MAGI2: variants seen among roughly 807,000 people sequenced by gnomAD.
MAGI2 encodes the protein membrane-associated guanylate kinase, WW and PDZ domain-containing protein 2.
In MAGI2, 35 loss-of-function variants were observed where a neutral mutation model predicts 133.3. That is an observed-to-expected ratio of 0.26 (90% CI 0.20 to 0.35). The LOEUF is 0.35. MAGI2 is among the 10% of genes least tolerant of loss of function. The pLI, the probability that MAGI2 is intolerant of heterozygous loss-of-function variation, is 1.00. For missense variants in MAGI2, 1,636 were observed against 1,863.4 expected (o/e 0.88, Z 2.25); for synonymous variants, 729 against 710.6 (o/e 1.03, Z -0.41).
At chr7:78,408,555 C>T (rs1797594811) in intron 6 of MAGI2, among the ~76,000 whole-genome samples, 2 of 151,920 alleles carry the variant, frequency 1.3e-5, no homozygotes, top group Admixed American at 6.6e-5. Flanking sequence ...ACTACAGTAC[C>T]TACAGGGCAC....
chr7:78,039,555 A>G (rs1584914897), intron 21 of MAGI2: 1 of 152,234 alleles, frequency 6.6e-6, no homozygotes, highest in Admixed American at 6.5e-5. Context: ...TCTTTCCAAG[A>G]TGTCCTTAGT....
chr7:79,421,546 G>A (rs1846960685), intron 1 of MAGI2, among the ~76,000 whole-genome samples: 2 of 151,858 alleles, frequency 1.3e-5, no homozygotes. Flanking sequence ...ACTGCTTAAT[G>A]TATCTGACAG....
chr7:79,075,275 C>T (rs919318580), intron 1 of MAGI2, among the ~76,000 whole-genome samples: 1 of 152,116 alleles, frequency 6.6e-6, no homozygotes, highest in African/African-American at 2.4e-5. Context: ...TCCATGAATG[C>T]CTTAGAGCAA....
chr7:79,080,732 T>C (rs1815965475), intron 1 of MAGI2, among the ~76,000 whole-genome samples: 1 of 152,082 alleles, frequency 6.6e-6, no homozygotes, highest in Admixed American at 6.6e-5. Context: ...TAGAGTCATT[T>C]CTTTCACTCT....
At chr7:78,051,051 G>A (rs922299833) in intron 21 of MAGI2, among the ~76,000 whole-genome samples, 14 of 152,302 alleles carry the variant, frequency 9.2e-5, no homozygotes, top group South Asian at 2.1e-4. Flanking sequence ...TTGATTCTGC[G>A]GATTAGTCAC....
chr7:79,246,941 T>A (rs879795932), intron 1 of MAGI2, among the ~76,000 whole-genome samples: 1 of 152,182 alleles, frequency 6.6e-6, no homozygotes, highest in African/African-American at 2.4e-5. Context: ...GGAATTCCAA[T>A]ATGTCTAGCA....
At chr7:79,132,150 T>A (rs1405974521) in intron 1 of MAGI2, among the ~76,000 whole-genome samples, 1 of 152,268 alleles carries the variant, frequency 6.6e-6, no homozygotes, top group Middle Eastern at 3.4e-3. Context: ...TTTTTAAAAA[T>A]TTTTTGTTTC....
At chr7:79,179,113 G>C (rs7788638) in intron 1 of MAGI2, among the ~76,000 whole-genome samples, 95,141 of 151,858 alleles carry the variant, frequency 0.63, 35,077 homozygotes, top group Non-Finnish European at 0.83. Flanking sequence ...TAACATTTCA[G>C]TAAAAAATGC....
At chr7:78,070,665 G>A (rs1814588156) in intron 21 of MAGI2, among the ~76,000 whole-genome samples, 1 of 142,080 alleles carries the variant, frequency 7.0e-6, no homozygotes, top group South Asian at 2.2e-4. Flanking sequence ...TTTTTTAGAC[G>A]GAGTCTCACT....
intron 6 of MAGI2, among the ~76,000 whole-genome samples, chr7:78,427,290 C>A (rs544792720): frequency 2.0e-5 from 3 of 151,894 alleles, no homozygotes; most frequent in Admixed American, 6.6e-5. Flanking sequence ...TAATTAAAAA[C>A]CCAATATTAC....
intron 3 of MAGI2, chr7:78,616,471 A>C (rs1289542651): frequency 6.6e-6 from 1 of 152,084 alleles, no homozygotes; most frequent in Non-Finnish European, 1.5e-5. Flanking sequence ...TTGAAGGTAT[A>C]GTTTTGTTGA....
chr7:79,097,977 C>G (rs1436898289), intron 1 of MAGI2, among the ~76,000 whole-genome samples: 1 of 152,074 alleles, frequency 6.6e-6, no homozygotes, highest in African/African-American at 2.4e-5. Flanking sequence ...CAAAACTTAG[C>G]CGGACATGGT....
intron 3 of MAGI2, among the ~76,000 whole-genome samples, chr7:78,624,176 T>G (rs1019014550): frequency 8.5e-5 from 13 of 152,160 alleles, no homozygotes; most frequent in Non-Finnish European, 1.5e-4. Flanking sequence ...AGTTATTTTT[T>G]TCTTGTAAAA....
chr7:78,105,482 G>A (rs1465642288), intron 20 of MAGI2, among the ~76,000 whole-genome samples: 3 of 152,146 alleles, frequency 2.0e-5, no homozygotes, highest in Non-Finnish European at 4.4e-5. Context: ...TGCAGGATAT[G>A]AGTCCTTGTT....
intron 2 of MAGI2, among the ~76,000 whole-genome samples, chr7:78,735,972 G>C (rs1821810483): frequency 6.6e-6 from 1 of 152,132 alleles, no homozygotes; most frequent in Non-Finnish European, 1.5e-5. Flanking sequence ...AATCATTATT[G>C]ATCAAGTACT....
intron 1 of MAGI2, chr7:79,353,815 A>AG: frequency 4.5e-6 from 1 of 223,764 alleles, no homozygotes; most frequent in Non-Finnish European, 9.2e-6. Context: ...GGGTGCTGGC[A>AG]GGGGGTGGTG....
intron 6 of MAGI2, among the ~76,000 whole-genome samples, chr7:78,461,531 A>G (rs1008954983): frequency 6.6e-6 from 1 of 151,918 alleles, no homozygotes; most frequent in Non-Finnish European, 1.5e-5. Flanking sequence ...CAGTAATTTT[A>G]TGTTGCTAGT....
At chr7:79,013,659 G>C (rs1372023980) in intron 1 of MAGI2, among the ~76,000 whole-genome samples, 1 of 152,130 alleles carries the variant, frequency 6.6e-6, no homozygotes, top group Non-Finnish European at 1.5e-5. Flanking sequence ...TGCCAGAACA[G>C]CCTCCATTCC....
At chr7:78,041,280 T>G (rs1173854973) in intron 21 of MAGI2, among the ~76,000 whole-genome samples, 1 of 152,120 alleles carries the variant, frequency 6.6e-6, no homozygotes, top group Non-Finnish European at 1.5e-5. Flanking sequence ...AAAATAGAGA[T>G]ACGAGTTTGG....
Sources: allele counts gnomAD v4.1 joint callset (sites outside exome capture counted in the v4.1 genomes callset), GRCh38; gene constraint gnomAD v4.1.1; transcripts MANE v1.5; gene names NCBI Gene and HGNC (gene_info 2026-07-23, HGNC 2026-07-21).